The following GPR158 variants were observed in gnomAD, a reference collection of about 807,000 sequenced individuals.
GPR158 encodes metabotropic glycine receptor.
A neutral mutation model predicts 78.2 loss-of-function variants in GPR158; 30 were observed. The observed-to-expected ratio is 0.38, with a 90% CI of 0.29 to 0.52. The LOEUF (loss-of-function observed/expected upper bound fraction) is 0.52, where lower values mean the gene tolerates loss of function less well. Among genes scored for constraint, GPR158 ranks in the 20% least tolerant of loss-of-function variants. GPR158 has a pLI of 0.83. For missense variants in GPR158, 1,463 were observed against 1,523.5 expected (o/e 0.96, Z 0.66); for synonymous variants, 581 against 591.1 (o/e 0.98, Z 0.25).
chr10:25,327,218 A>G (rs1167083543), intron 2 of GPR158, among the ~76,000 whole-genome samples: 1 of 152,042 alleles, frequency 6.6e-6, no homozygotes. Context: ...AATACCTGCG[A>G]TATCTTGCTG....
chr10:25,490,575 G>A (rs1369194182), intron 5 of GPR158, among the ~76,000 whole-genome samples: 2 of 148,694 alleles, frequency 1.3e-5, no homozygotes, highest in African/African-American at 5.0e-5. Context: ...AGGTTACTGA[G>A]AATGATGATT....
rs768282095 is a variant in GPR158 at position 25,598,838 on chromosome 10, T to A, written c.3212T>A (p.Val1071Glu). 2.5e-6 allele frequency: 4 copies of A among 1,613,992 alleles called. No individual in the cohort carries two copies. The Admixed American group carries it at 6.7e-5, about 27-fold the overall frequency. The change falls in exon 11 of 11, where the codon GTA (valine) becomes GAA (glutamate). Residue 1071 changes from valine to glutamate, a missense_variant. Transcript: ENST00000376351. ...SNQKRIDKAEVCLWESQGQSI... is the reference protein window; with the variant it reads ...SNQKRIDKAEECLWESQGQSI... ...CAGAAGCGCATAGATAAGGCTGAAG[T>A]ATGCCTTTGGGAGAGCCAAGGCCAG... is the stretch of plus-strand genomic sequence containing the variant.
intron 2 of GPR158, among the ~76,000 whole-genome samples, chr10:25,308,187 G>A (rs989890755): frequency 6.6e-6 from 1 of 152,124 alleles, no homozygotes. Context: ...GGGTACATGT[G>A]TAGGTTTGTT....
intron 4 of GPR158, among the ~76,000 whole-genome samples, chr10:25,460,201 T>A (rs1835339293): frequency 6.6e-6 from 1 of 152,114 alleles, no homozygotes; most frequent in African/African-American, 2.4e-5. Context: ...TTTCTTTTTT[T>A]TTTTTTCCCT....
intron 5 of GPR158, among the ~76,000 whole-genome samples, chr10:25,537,030 C>T (rs376511946): frequency 6.6e-6 from 1 of 152,214 alleles, no homozygotes; most frequent in African/African-American, 2.4e-5. Flanking sequence ...GGCACCACTT[C>T]CAGGCTAAAC....
intron 2 of GPR158, among the ~76,000 whole-genome samples, chr10:25,347,544 C>G (rs1855388929): frequency 6.6e-6 from 1 of 151,982 alleles, no homozygotes; most frequent in South Asian, 2.1e-4. Flanking sequence ...ATTATACAAG[C>G]TATTTTCATC....
At chr10:25,219,696 A>G (rs1853271745) in intron 1 of GPR158, among the ~76,000 whole-genome samples, 1 of 152,194 alleles carries the variant, frequency 6.6e-6, no homozygotes, top group Non-Finnish European at 1.5e-5. Flanking sequence ...AGGCAGACTG[A>G]AAAAATAAAT....
chr10:25,260,527 C>G (rs1361130448), intron 2 of GPR158, among the ~76,000 whole-genome samples: 2 of 150,612 alleles, frequency 1.3e-5, no homozygotes, highest in Non-Finnish European at 3.0e-5. Flanking sequence ...TTTAACTTTT[C>G]TTCCAAAGAA....
intron 6 of GPR158, among the ~76,000 whole-genome samples, chr10:25,560,803 G>C (rs1836850161): frequency 1.3e-5 from 2 of 151,958 alleles, no homozygotes. Context: ...AGAGCAATTA[G>C]GTCTTATAAA....
intron 2 of GPR158, among the ~76,000 whole-genome samples, chr10:25,333,866 T>C (rs1199260577): frequency 6.6e-6 from 1 of 152,132 alleles, no homozygotes; most frequent in Non-Finnish European, 1.5e-5. Context: ...CAGAGCTTCT[T>C]ATTTGACATC....
intron 2 of GPR158, among the ~76,000 whole-genome samples, chr10:25,315,880 T>A (rs1024422950): frequency 6.6e-6 from 1 of 152,160 alleles, no homozygotes; most frequent in Non-Finnish European, 1.5e-5. Flanking sequence ...ATTTTAATTG[T>A]TTCCTTTGAT....
intron 1 of GPR158, among the ~76,000 whole-genome samples, chr10:25,186,455 A>G (rs1472204566): frequency 2.6e-5 from 4 of 152,222 alleles, no homozygotes; most frequent in Non-Finnish European, 5.9e-5. Flanking sequence ...GAAAAGATCA[A>G]CAAAATTGAT....
rs777490314 is a variant in GPR158 at position 25,176,290 on chromosome 10, C to T, written c.870C>T (p.Tyr290=). The T allele has an allele frequency of 1.1e-5, 18 of 1,605,002 alleles. No individual in the cohort carries two copies. Among genetic ancestry groups the T allele is most frequent in the Non-Finnish European group, 1.5e-5 (18 of 1,176,006 alleles). ...GWLVTLSSAI[Y]GLQPNLVPEF... is the part of the protein sequence containing the mutation. ...TGGTTACTCTTTCCTCTGCCATCTA[C>T]GGGTTGCAGCCTAACCTGGTCCCGG... The change falls in exon 1 of 11, where the codon TAC becomes TAT. Residue 290 remains tyrosine, a synonymous_variant. Transcript: ENST00000376351. This position sits in a 1 kb window ranked among gnomAD's most constrained non-coding sequence, Gnocchi z 6.3.
At chr10:25,213,702 C>A (rs536588415) in intron 1 of GPR158, among the ~76,000 whole-genome samples, 2 of 151,716 alleles carry the variant, frequency 1.3e-5, no homozygotes, top group African/African-American at 4.8e-5. Context: ...TGGTAGAATT[C>A]GTATATAAAG....
chr10:25,228,622 C>T (rs1853405209), intron 2 of GPR158, among the ~76,000 whole-genome samples: 1 of 152,112 alleles, frequency 6.6e-6, no homozygotes, highest in African/African-American at 2.4e-5. Flanking sequence ...GGCTTTCTGG[C>T]ATGTATGGAG....
chr10:25,362,163 A>C (rs1422542447), intron 2 of GPR158, among the ~76,000 whole-genome samples: 18 of 151,842 alleles, frequency 1.2e-4, no homozygotes, highest in Admixed American at 1.2e-3. Context: ...CAGCTTCACT[A>C]TTTTGCATTT....
At chr10:25,580,059 T>A (rs545947313) in intron 7 of GPR158, among the ~76,000 whole-genome samples, 2 of 152,334 alleles carry the variant, frequency 1.3e-5, no homozygotes, top group African/African-American at 2.4e-5. Context: ...GTCTCATGGT[T>A]CTGGAAACTC....
At chr10:25,369,637 G>A (rs1291486477) in intron 2 of GPR158, among the ~76,000 whole-genome samples, 1 of 151,584 alleles carries the variant, frequency 6.6e-6, no homozygotes, top group African/African-American at 2.4e-5. Flanking sequence ...CTCTTTTTTG[G>A]TTGTGTCTCT....
At chr10:25,249,291 A>G (rs1734278954) in intron 2 of GPR158, among the ~76,000 whole-genome samples, 1 of 152,144 alleles carries the variant, frequency 6.6e-6, no homozygotes, top group South Asian at 2.1e-4. Flanking sequence ...TTCCTAATTG[A>G]ATACCCTTTA....
Sources: gnomAD v4.1 joint callset for allele counts (sites outside exome capture counted in the v4.1 genomes callset) on GRCh38, gnomAD v4.1.1 for gene constraint, Gnocchi (gnomAD v3.1) non-coding constraint, MANE v1.5 for transcripts, NCBI Gene and HGNC (gene_info 2026-07-23, HGNC 2026-07-21) for gene names.